The following PUS1 variants were observed in gnomAD, a reference collection of about 807,000 sequenced individuals.
The protein encoded by PUS1 is pseudouridine synthase 1, also known as pseudouridylate synthase 1 homolog.
In PUS1, 25 loss-of-function variants were observed where a neutral mutation model predicts 38.5. That is an observed-to-expected ratio of 0.65 (90% CI 0.47 to 0.91). The LOEUF (loss-of-function observed/expected upper bound fraction) is 0.91, where lower values mean the gene tolerates loss of function less well. Ranked by LOEUF, PUS1 falls within the 40% of genes least tolerant of loss-of-function variation. PUS1 has a pLI of 0.00. For missense variants in PUS1, 597 were observed against 612.3 expected (o/e 0.97, Z 0.26); for synonymous variants, 282 against 260.4 (o/e 1.08, Z -0.80).
chr12:131,931,843 A>C, intron 2 of PUS1: 1 of 562,448 alleles, frequency 1.8e-6, no homozygotes, highest in Non-Finnish European at 3.2e-6. Context: ...AGATTACTTT[A>C]TAGTCAATGT....
chr12:131,941,041 G>T lies in PUS1; in HGVS notation c.545-251G>T. On this transcript the variant is annotated intron_variant, in intron 4 of 5. Coordinates refer to ENST00000376649, the MANE Select transcript of PUS1 (RefSeq NM_025215.6). This position sits in a 1 kb window ranked among gnomAD's most constrained non-coding sequence, Gnocchi z 4.4. ...AGACATTCCGTATCTTCTCACTATTGGAAAATTACAATAAATGGTTGTAAA... is the reference window on the plus strand; with the variant it reads ...AGACATTCCGTATCTTCTCACTATTTGAAAATTACAATAAATGGTTGTAAA... 4 of 549,050 alleles carry T rather than the reference G, an allele frequency of 7.3e-6. No individual in the cohort carries two copies. The highest frequency in any genetic ancestry group is 9.8e-6 in the Non-Finnish European group (3 of 305,778). 34.0% of individuals were successfully genotyped at this position (549,050 alleles called of 1,614,324 possible). A position where few individuals can be genotyped will look rare whatever the true frequency, so the allele number is the denominator to read the frequency against.
In PUS1 at chr12:131,943,521, T is replaced by C; in HGVS notation, c.1237-18T>C. 2 of 1,609,594 alleles carry C rather than the reference T, an allele frequency of 1.2e-6. No homozygotes were observed. Among genetic ancestry groups the C allele is most frequent in the Non-Finnish European group, 1.7e-6 (2 of 1,176,054 alleles). On this transcript the variant is annotated intron_variant, in intron 5 of 5. Coordinates refer to ENST00000376649, the MANE Select transcript of PUS1 (RefSeq NM_025215.6). ...GAGAGTGCTTGCCTCTTATTCTCCA[T>C]GTGGTCTTCTTCTGCAGGTGCCCAG...
At position 131,940,853 on chromosome 12, in the gene PUS1, A is replaced by G. The variant is rs555399619; in HGVS notation, c.545-439A>G. 2.3e-4 allele frequency: 42 copies of G among 182,124 alleles called. No homozygotes were observed. The South Asian group carries it at 4.6e-3, about 20-fold the overall frequency. 11.3% of individuals were successfully genotyped at this position (182,124 alleles called of 1,614,324 possible). A position where few individuals can be genotyped will look rare whatever the true frequency, so the allele number is the denominator to read the frequency against. On this transcript the variant is annotated intron_variant, in intron 4 of 5. Coordinates refer to ENST00000376649, the MANE Select transcript of PUS1 (RefSeq NM_025215.6). Reference sequence around the variant, plus strand: ...CTCCCAAAGTGCTGGGATTACAGGCATGAGCCACTGCGCCCGGCTGCTTTT... The same window carrying G: ...CTCCCAAAGTGCTGGGATTACAGGCGTGAGCCACTGCGCCCGGCTGCTTTT...
intron 3 of PUS1, among the ~76,000 whole-genome samples, chr12:131,936,229 AAG>A (rs1361612295): frequency 2.0e-5 from 3 of 151,592 alleles, no homozygotes; most frequent in African/African-American, 7.3e-5. Flanking sequence ...AAAAGCAAAA[AAG>A]GAAATATAAT....
intron 3 of PUS1, among the ~76,000 whole-genome samples, chr12:131,937,232 GTC>G (rs2136438572): frequency 6.6e-6 from 1 of 152,170 alleles, no homozygotes; most frequent in South Asian, 2.1e-4. Context: ...CTTCATAAAA[GTC>G]TTAAGAATAA....
intron 3 of PUS1, among the ~76,000 whole-genome samples, chr12:131,935,263 T>G (rs1890774894): frequency 6.6e-6 from 1 of 152,262 alleles, no homozygotes; most frequent in African/African-American, 2.4e-5. Context: ...TATTTTCATT[T>G]TCTTTTTGAT....
intron 3 of PUS1, among the ~76,000 whole-genome samples, chr12:131,933,244 G>C (rs1252399989): frequency 6.6e-6 from 1 of 150,666 alleles, no homozygotes; most frequent in African/African-American, 2.4e-5. Context: ...TGTTGCTCAG[G>C]GGTCTCAAAC....
rs1890499440 is a variant in PUS1, at chr12:131,929,793, C to G, written c.71C>G (p.Ser24Cys). The G allele has an allele frequency of 6.3e-7, 1 of 1,586,738 alleles. No homozygotes were observed. Among genetic ancestry groups the G allele is most frequent in the African/African-American group, 1.4e-5 (1 of 73,630 alleles). The change falls in exon 1 of 6, where the codon TCC becomes TGC. Residue 24 changes from serine to cysteine, a missense_variant. By Grantham distance (112) the Ser-to-Cys change is moderately radical. Coordinates refer to ENST00000376649, the MANE Select transcript of PUS1 (RefSeq NM_025215.6). ...ACCCTGCGCCTGGGACCGCGTCCGT[C>G]CTGGTAATGACCGCGACGCCGGGCG... Reference protein sequence around the residue: ...RWTLRLGPRPSCSPRMAGNAE... With the variant: ...RWTLRLGPRPCCSPRMAGNAE...
Position 131,938,866 on chromosome 12 carries a change from C to T in PUS1, c.442-307C>T, listed in dbSNP as rs150867359. ...CCTCCCAAGTAGCTGGGACTACAGG[C>T]GCCTGTCACCATGCCCGGCTAATTT... On this transcript the variant is annotated intron_variant, in intron 3 of 5. Coordinates refer to ENST00000376649, the MANE Select transcript of PUS1 (RefSeq NM_025215.6). Among the ~76,000 whole-genome samples, 2,187 of 152,194 alleles carry T rather than the reference C, an allele frequency of 0.014. 49 individuals are homozygous for T. The highest frequency in any genetic ancestry group is 0.05 in the African/African-American group (2,085 of 41,524).
At chr12:131,939,148 G>C in intron 3 of PUS1, 25 bp from the exon 4 acceptor site, 3 of 1,513,432 alleles carry the variant, frequency 2.0e-6, no homozygotes, top group Non-Finnish European at 2.7e-6. Context: ...CCCACCTTCC[G>C]TCACCCGTTC....
In PUS1 at chr12:131,931,987, G is replaced by A. The variant is rs772042722; in HGVS notation, c.304-188G>A. On this transcript the variant is annotated intron_variant, in intron 2 of 5. Transcript: ENST00000376649. ...CACACTACCCACCCCCTAGCATGGAGCAGCCCGGCCCCAGGGTGAGTGAGC... is the reference window on the plus strand; with the variant it reads ...CACACTACCCACCCCCTAGCATGGAACAGCCCGGCCCCAGGGTGAGTGAGC... The A allele has an allele frequency of 5.8e-6, 4 of 686,942 alleles. 1 individual carries two copies. The South Asian group carries it at 6.2e-5, about 11-fold the overall frequency. 42.6% of individuals were successfully genotyped at this position (686,942 alleles called of 1,614,324 possible).
chr12:131,936,029 G>T (rs541564352), intron 3 of PUS1, among the ~76,000 whole-genome samples: 4 of 151,786 alleles, frequency 2.6e-5, no homozygotes, highest in Non-Finnish European at 5.9e-5. Context: ...TGGCCAACAT[G>T]GTGAAACCCC....
At chr12:131,942,093 A>G in intron 5 of PUS1, 110 bp downstream of exon 5, 3 of 1,024,936 alleles carry the variant, frequency 2.9e-6, no homozygotes, top group South Asian at 2.8e-5. Flanking sequence ...CCGCAAGGCC[A>G]CACAGCTGCT....
At chr12:131,942,647 C>T (rs1314775559) in intron 5 of PUS1, among the ~76,000 whole-genome samples, 2 of 152,168 alleles carry the variant, frequency 1.3e-5, no homozygotes, top group Non-Finnish European at 2.9e-5. Flanking sequence ...ACCTTGTGAT[C>T]CACCCGCCTT....
rs530503457 is a variant in PUS1 at position 131,935,285 on chromosome 12, C to T, written c.441+2973C>T. ...ATTTTCTTTTTGATTCTTCCATTTACAGCTCTCTGGTTGTTTTCAGGGAAG... is the reference window on the plus strand; with the variant it reads ...ATTTTCTTTTTGATTCTTCCATTTATAGCTCTCTGGTTGTTTTCAGGGAAG... On this transcript the variant is annotated intron_variant, in intron 3 of 5. Coordinates refer to ENST00000376649, the MANE Select transcript of PUS1 (RefSeq NM_025215.6). 1.2e-4 allele frequency among the ~76,000 whole-genome samples: 19 copies of T among 152,348 alleles called. No individual in the cohort carries two copies. The South Asian group carries it at 1.4e-3, about 12-fold the overall frequency.
chr12:131,943,654 T>G lies in PUS1; in HGVS notation c.*68T>G. 7.6e-7 allele frequency: 1 copy of G among 1,318,854 alleles called. No individual in the cohort carries two copies. Among genetic ancestry groups the G allele is most frequent in the Non-Finnish European group, 1.1e-6 (1 of 915,110 alleles). 81.7% of individuals were successfully genotyped at this position (1,318,854 alleles called of 1,614,324 possible). A position where few individuals can be genotyped will look rare whatever the true frequency, so the allele number is the denominator to read the frequency against. ...AGTGTGTGCCCAGATGTGCCACCCC[T>G]GTGGGCAGCAAGAAGCTGGGATCGC... On this transcript the variant is annotated 3_prime_UTR_variant, in exon 6 of 6. Coordinates refer to ENST00000376649, the MANE Select transcript of PUS1 (RefSeq NM_025215.6).
In PUS1 at chr12:131,939,344, A is replaced by G. The variant is rs1890971321; in HGVS notation, c.544+69A>G. On this transcript the variant is annotated intron_variant, in intron 4 of 5. Transcript: ENST00000376649. ...GTCTTGCAGAGACACGAGGCTATGC[A>G]TGCTCCTGCCTTTTCCAACTGTCTC... The G allele has an allele frequency of 1.1e-5, 11 of 1,005,610 alleles. 1 individual carries two copies. In the South Asian group the frequency reaches 1.5e-4, roughly 14 times the overall value. 62.3% of individuals were successfully genotyped at this position (1,005,610 alleles called of 1,614,324 possible).
At chr12:131,929,875 C>G in intron 1 of PUS1, 32 bp from the exon 2 acceptor site, 1 of 1,445,606 alleles carries the variant, frequency 6.9e-7, no homozygotes, top group Non-Finnish European at 9.1e-7. Context: ...CGGTGCCGAG[C>G]GGGCCCCCGC....
Position 131,933,493 on chromosome 12 carries a change from G to A in PUS1, c.441+1181G>A, listed in dbSNP as rs973076240. 2.6e-5 allele frequency among the ~76,000 whole-genome samples: 4 copies of A among 152,222 alleles called. 1 individual carries two copies. Among genetic ancestry groups the A allele is most frequent in the Non-Finnish European group, 4.4e-5 (3 of 68,030 alleles). On this transcript the variant is annotated intron_variant, in intron 3 of 5. Transcript: ENST00000376649. The stretch of plus-strand genomic sequence containing the variant: ...ATCACAAATCCACCACCCTGGACCT[G>A]TTTTGTGGTCTCAGCTGCATGGGGC...
Sources: allele counts gnomAD v4.1 joint callset (sites outside exome capture counted in the v4.1 genomes callset), GRCh38; gene constraint gnomAD v4.1.1; non-coding constraint Gnocchi (gnomAD v3.1); transcripts MANE v1.5; gene names NCBI Gene and HGNC (gene_info 2026-07-23, HGNC 2026-07-21).